The following FRMD5 variants were observed in gnomAD, a reference collection of about 807,000 sequenced individuals.
FRMD5 encodes FERM domain-containing protein 5.
FRMD5 carries 20 observed loss-of-function variants against 69.0 expected under a neutral mutation model. That is an observed-to-expected ratio of 0.29 (90% CI 0.20 to 0.42). FRMD5 has a LOEUF of 0.42. FRMD5 is among the 10% of genes least tolerant of loss of function. FRMD5 has a pLI of 1.00. For missense variants in FRMD5, 595 were observed against 708.6 expected (o/e 0.84, Z 1.82); for synonymous variants, 271 against 260.1 (o/e 1.04, Z -0.40).
chr15:44,012,315 A>T (rs1001611439), intron 1 of FRMD5, among the ~76,000 whole-genome samples: 2 of 152,184 alleles, frequency 1.3e-5, no homozygotes, highest in African/African-American at 4.8e-5. Flanking sequence ...AGAGACTCTA[A>T]ACTTTTCTAA....
intron 1 of FRMD5, among the ~76,000 whole-genome samples, chr15:44,096,618 G>T (rs142081725): frequency 0.021 from 3,252 of 152,070 alleles, 113 homozygotes; most frequent in East Asian, 0.084. Flanking sequence ...GGCCAGGCTG[G>T]TCTTTTACTC....
At position 44,032,465 on chromosome 15, in the gene FRMD5, G is replaced by A. The variant is rs1277091364; in HGVS notation, c.103-108156C>T. Among the ~76,000 whole-genome samples the A allele has an allele frequency of 3.9e-5, 6 of 152,196 alleles. No homozygotes were observed. The East Asian group carries it at 1.2e-3, about 29-fold the overall frequency. ...ATTTTCAAACTATGCATCTGACAAA[G>A]GTGTAATATCCAGCATCCATAAGGA... On this transcript the variant is annotated intron_variant, in intron 1 of 13. Transcript: ENST00000417257.
At chr15:44,196,064 C>G (rs1307831826), upstream of FRMD5, among the ~76,000 whole-genome samples, 1 of 152,156 alleles carries the variant, frequency 6.6e-6, no homozygotes, top group Non-Finnish European at 1.5e-5. Flanking sequence ...AGAATTGTCT[C>G]CTTCTCTTTG....
intron 4 of FRMD5, among the ~76,000 whole-genome samples, chr15:43,917,438 T>A (rs2140435092): frequency 6.6e-6 from 1 of 152,332 alleles, no homozygotes; most frequent in East Asian, 1.9e-4. Flanking sequence ...TCACTCAGGC[T>A]GGAGTGTAAT....
At chr15:44,039,583 C>T (rs1049155341) in intron 1 of FRMD5, among the ~76,000 whole-genome samples, 1 of 152,150 alleles carries the variant, frequency 6.6e-6, no homozygotes, top group Non-Finnish European at 1.5e-5. Flanking sequence ...GAAGAGGGGC[C>T]TGGCTGTTAG....
At chr15:44,011,742 C>T (rs911480675) in intron 1 of FRMD5, among the ~76,000 whole-genome samples, 4 of 152,102 alleles carry the variant, frequency 2.6e-5, no homozygotes, top group Admixed American at 6.5e-5. Context: ...ACCCTGATGA[C>T]GCCATCAAAG....
chr15:43,998,186 G>C (rs1178760980), intron 1 of FRMD5, among the ~76,000 whole-genome samples: 2 of 152,076 alleles, frequency 1.3e-5, no homozygotes, highest in African/African-American at 4.8e-5. Context: ...CCACAAAATG[G>C]GGATAAGACT....
chr15:44,123,892 A>G (rs1222028455), intron 1 of FRMD5, among the ~76,000 whole-genome samples: 1 of 152,244 alleles, frequency 6.6e-6, no homozygotes, highest in African/African-American at 2.4e-5. Context: ...TGACTGGGCT[A>G]TATTTCTACT....
chr15:43,878,385 G>A (rs1434916020), intron 13 of FRMD5, among the ~76,000 whole-genome samples: 4 of 152,140 alleles, frequency 2.6e-5, no homozygotes, highest in South Asian at 2.1e-4. Flanking sequence ...GGGCCAGGAC[G>A]GATTAAATCA....
intron 1 of FRMD5, 48 bp from the exon 2 acceptor site, chr15:43,924,357 G>T: frequency 5.2e-6 from 7 of 1,335,310 alleles, no homozygotes; most frequent in Non-Finnish European, 7.2e-6. Flanking sequence ...TTTCTTCAGT[G>T]TAACTTTTTT....
At chr15:43,880,265 G>A (rs539859994) in intron 13 of FRMD5, among the ~76,000 whole-genome samples, 8 of 152,198 alleles carry the variant, frequency 5.3e-5, no homozygotes, top group Non-Finnish European at 1.0e-4. Flanking sequence ...AGAAAAGAAA[G>A]TCTTTGGTGG....
intron 1 of FRMD5, among the ~76,000 whole-genome samples, chr15:44,042,054 A>AAG (rs1034039201): frequency 6.6e-6 from 1 of 152,210 alleles, no homozygotes; most frequent in Non-Finnish European, 1.5e-5. Context: ...TAACGAAGAA[A>AAG]AGAGAGAAGA....
chr15:44,118,335 C>A (rs2076899595), intron 1 of FRMD5, among the ~76,000 whole-genome samples: 1 of 152,104 alleles, frequency 6.6e-6, no homozygotes, highest in Non-Finnish European at 1.5e-5. Context: ...TCAGCCTTCA[C>A]TAGTAAATGG....
chr15:43,987,421 T>C (rs1444338983), intron 1 of FRMD5, among the ~76,000 whole-genome samples: 1 of 152,224 alleles, frequency 6.6e-6, no homozygotes, highest in Non-Finnish European at 1.5e-5. Context: ...ATGGTCTAGA[T>C]AGAACAGCGG....
chr15:44,000,216 G>A lies in FRMD5; in HGVS notation c.103-75907C>T, dbSNP rs546062192. ...TTGCCCAGGGTGGTCTTGAATTCCT[G>A]AGCTCAAGTGATCCTCCTGCTCAGT... On this transcript the variant is annotated intron_variant, in intron 1 of 13. Coordinates refer to ENST00000417257, the MANE Select transcript of FRMD5 (RefSeq NM_032892.5). Among the ~76,000 whole-genome samples, 5 of 151,654 alleles carry A rather than the reference G, an allele frequency of 3.3e-5. No homozygotes were observed. The East Asian group carries it at 9.7e-4, about 29-fold the overall frequency.
Position 43,999,953 on chromosome 15 carries a change from CATATATAT to C in FRMD5, c.103-75652_103-75645del, listed in dbSNP as rs34872140. ...TATATATATATATATATATGCCATG[CATATATAT>C]ATATATATATATATATATATATATA... On this transcript the variant is annotated intron_variant, in intron 1 of 13. Transcript: ENST00000417257. Among the ~76,000 whole-genome samples, 165 of 82,798 alleles carry C rather than the reference CATATATAT, an allele frequency of 2.0e-3. 4 individuals are homozygous for C. Among genetic ancestry groups the C allele is most frequent in the African/African-American group, 0.01 (160 of 15,544 alleles). The allele number at this position is 82,798 out of a possible 152,430, so 54.3% of individuals were successfully genotyped here.
chr15:44,194,809 A>T (rs1428918884), intron 1 of FRMD5, 144 bp downstream of exon 1: 1 of 760,528 alleles, frequency 1.3e-6, no homozygotes, highest in African/African-American at 1.8e-5. Context: ...GCCCTGCACT[A>T]GGGCGGTCCG....
rs1892472731 is a variant in FRMD5 at position 44,047,343 on chromosome 15, G to T, written c.103-123034C>A. On this transcript the variant is annotated intron_variant, in intron 1 of 13. Coordinates refer to ENST00000417257, the MANE Select transcript of FRMD5 (RefSeq NM_032892.5). ...GAGGGGAGAGGAGGGGAAAGGAGGG[G>T]AGAGGGAAAAAGAAAAAACTGTTTA... Among the ~76,000 whole-genome samples the T allele has an allele frequency of 5.3e-5, 8 of 151,866 alleles. No individual in the cohort carries two copies. In the South Asian group the frequency reaches 1.7e-3, roughly 32 times the overall value.
chr15:44,029,824 A>G (rs559103180), intron 1 of FRMD5, among the ~76,000 whole-genome samples: 5 of 152,244 alleles, frequency 3.3e-5, no homozygotes, highest in Non-Finnish European at 7.3e-5. Context: ...ATTTTTAGTA[A>G]CGTCTCAGGT....
Sources: gnomAD v4.1 joint callset for allele counts (sites outside exome capture counted in the v4.1 genomes callset) on GRCh38, gnomAD v4.1.1 for gene constraint, MANE v1.5 for transcripts, NCBI Gene and HGNC (gene_info 2026-07-23, HGNC 2026-07-21) for gene names.